The following ARHGAP26 variants were observed in gnomAD, a reference collection of about 807,000 sequenced individuals.
The protein encoded by ARHGAP26 is rho GTPase-activating protein 26.
In ARHGAP26, 38 loss-of-function variants were observed where a neutral mutation model predicts 104.8. That is an observed-to-expected ratio of 0.36 (90% CI 0.28 to 0.48). The LOEUF (loss-of-function observed/expected upper bound fraction) is 0.48. Among genes scored for constraint, ARHGAP26 ranks in the 20% least tolerant of loss-of-function variants. The pLI, the probability that ARHGAP26 is intolerant of heterozygous loss-of-function variation, is 0.99. For missense variants in ARHGAP26, 704 were observed against 947.9 expected (o/e 0.74, Z 3.38); for synonymous variants, 341 against 340.0 (o/e 1.00, Z -0.03).
intron 9 of ARHGAP26, among the ~76,000 whole-genome samples, 153 bp from the exon 10 acceptor site, chr5:142,913,046 A>T (rs1762041967): frequency 6.6e-6 from 1 of 152,190 alleles, no homozygotes; most frequent in South Asian, 2.1e-4. Context: ...TTTGTCCTGG[A>T]AAGGTTTATA....
intron 13 of ARHGAP26, among the ~76,000 whole-genome samples, chr5:143,038,806 C>T (rs1783036692): frequency 7.2e-6 from 1 of 139,604 alleles, no homozygotes; most frequent in Non-Finnish European, 1.5e-5. Context: ...AGGGATTCTT[C>T]TGCCTCAGCC....
chr5:143,066,016 G>A (rs1363942436), intron 17 of ARHGAP26, among the ~76,000 whole-genome samples: 2 of 152,138 alleles, frequency 1.3e-5, no homozygotes, highest in African/African-American at 4.8e-5. Flanking sequence ...GTAGTGTCAG[G>A]TAAGCCTTTA....
At chr5:142,957,547 A>T (rs1490781611) in intron 11 of ARHGAP26, among the ~76,000 whole-genome samples, 1 of 152,110 alleles carries the variant, frequency 6.6e-6, no homozygotes, top group East Asian at 1.9e-4. Context: ...TATACACTAC[A>T]TGTGCATAAT....
intron 17 of ARHGAP26, among the ~76,000 whole-genome samples, chr5:143,100,826 C>T (rs990511052): frequency 7.2e-5 from 11 of 152,224 alleles, no homozygotes; most frequent in Non-Finnish European, 1.3e-4. Context: ...CACGGTGGCT[C>T]ATGCCTGTAA....
intron 19 of ARHGAP26, among the ~76,000 whole-genome samples, chr5:143,141,366 T>C (rs560565921): frequency 3.3e-5 from 5 of 152,360 alleles, no homozygotes; most frequent in African/African-American, 9.6e-5. Flanking sequence ...CATGTCTGTG[T>C]GTGTGTATAT....
intron 11 of ARHGAP26, among the ~76,000 whole-genome samples, chr5:142,991,359 G>T (rs529860001): frequency 6.6e-6 from 1 of 152,170 alleles, no homozygotes; most frequent in African/African-American, 2.4e-5. Context: ...GGTACCATCT[G>T]TCACAGCTTC....
intron 17 of ARHGAP26, among the ~76,000 whole-genome samples, chr5:143,062,374 C>G (rs1315237140): frequency 6.6e-6 from 1 of 152,146 alleles, no homozygotes; most frequent in Non-Finnish European, 1.5e-5. Context: ...TATGTTGTGA[C>G]TTTCCAAAAT....
chr5:142,796,583 C>T (rs1362316157), intron 1 of ARHGAP26, among the ~76,000 whole-genome samples: 1 of 152,238 alleles, frequency 6.6e-6, no homozygotes, highest in Non-Finnish European at 1.5e-5. Context: ...TAAAACAGTT[C>T]TCAAGTATTA....
At chr5:142,965,358 G>A (rs1470590429) in intron 11 of ARHGAP26, among the ~76,000 whole-genome samples, 1 of 152,212 alleles carries the variant, frequency 6.6e-6, no homozygotes. Flanking sequence ...CCCTTTCCCG[G>A]TCTGCTAAGT....
chr5:142,972,375 T>C (rs1772420765), intron 11 of ARHGAP26, among the ~76,000 whole-genome samples: 1 of 152,040 alleles, frequency 6.6e-6, no homozygotes, highest in Non-Finnish European at 1.5e-5. Flanking sequence ...AATATTTGAG[T>C]GAAAGGAAGT....
intron 11 of ARHGAP26, among the ~76,000 whole-genome samples, chr5:142,963,198 A>ATATATGTG (rs869247749): frequency 4.1e-5 from 4 of 98,338 alleles, no homozygotes; most frequent in African/African-American, 1.2e-4. Context: ...ATATATATAT[A>ATATATGTG]TGTGTGTGTG....
At chr5:143,191,628 A>T (rs1805934885) in intron 20 of ARHGAP26, among the ~76,000 whole-genome samples, 1 of 152,220 alleles carries the variant, frequency 6.6e-6, no homozygotes, top group Non-Finnish European at 1.5e-5. Context: ...GAAAATATGT[A>T]TTAAAATTAC....
intron 17 of ARHGAP26, among the ~76,000 whole-genome samples, chr5:143,094,576 C>T (rs1221197026): frequency 6.6e-6 from 1 of 152,238 alleles, no homozygotes; most frequent in East Asian, 1.9e-4. Context: ...TTTTAATTCT[C>T]AGCAAGGCAT....
chr5:143,093,581 C>CCTCACTCTTTCTCTCTGT (rs1383417428), intron 17 of ARHGAP26, among the ~76,000 whole-genome samples: 14 of 151,454 alleles, frequency 9.2e-5, no homozygotes, highest in African/African-American at 3.2e-4. Context: ...TCTCTCTCTG[C>CCTCACTCTTTCTCTCTGT]CTCACTCTTT....
At chr5:142,815,044 AG>A (rs562090801) in intron 1 of ARHGAP26, among the ~76,000 whole-genome samples, 2 of 152,206 alleles carry the variant, frequency 1.3e-5, no homozygotes, top group Non-Finnish European at 2.9e-5. Flanking sequence ...TCTGTCACCC[AG>A]GCTGGAGTGG....
At chr5:143,009,301 A>T (rs1778416448) in intron 11 of ARHGAP26, among the ~76,000 whole-genome samples, 1 of 152,166 alleles carries the variant, frequency 6.6e-6, no homozygotes, top group Non-Finnish European at 1.5e-5. Context: ...CATCGTCAGC[A>T]TCATCATCGT....
intron 11 of ARHGAP26, among the ~76,000 whole-genome samples, chr5:142,982,332 C>A (rs1312390490): frequency 2.6e-5 from 4 of 152,222 alleles, no homozygotes; most frequent in Non-Finnish European, 5.9e-5. Context: ...TGAGAACAAT[C>A]ATTTTGTTCA....
intron 11 of ARHGAP26, among the ~76,000 whole-genome samples, chr5:142,997,576 ATTTTTTTT>A (rs34395064): frequency 1.8e-4 from 22 of 120,674 alleles, no homozygotes; most frequent in Admixed American, 1.4e-3. Context: ...TGCCTGGCTG[ATTTTTTTT>A]TTTTTTTTTT....
intron 20 of ARHGAP26, among the ~76,000 whole-genome samples, chr5:143,191,892 G>A (rs1176847979): frequency 6.6e-6 from 1 of 152,192 alleles, no homozygotes; most frequent in Non-Finnish European, 1.5e-5. Flanking sequence ...GCCATATGTG[G>A]AGCTGTCGTG....
Sources: gnomAD v4.1 joint callset for allele counts (sites outside exome capture counted in the v4.1 genomes callset) on GRCh38, gnomAD v4.1.1 for gene constraint, MANE v1.5 for transcripts, NCBI Gene and HGNC (gene_info 2026-07-23, HGNC 2026-07-21) for gene names.